Variants in SLC8A1 observed in about 807,000 individuals in gnomAD.
SLC8A1 encodes the protein solute carrier family 8 member A1.
A neutral mutation model predicts 68.3 loss-of-function variants in SLC8A1; 18 were observed. The observed-to-expected ratio is 0.26, with a 90% CI of 0.18 to 0.39. The LOEUF (loss-of-function observed/expected upper bound fraction) is 0.39, where lower values mean the gene tolerates loss of function less well. SLC8A1 is among the 10% of genes least tolerant of loss of function. SLC8A1 has a pLI of 1.00. For missense variants in SLC8A1, 985 were observed against 1,156.7 expected, an observed-to-expected ratio of 0.85 and a Z score of 2.15; for synonymous variants, 475 against 415.5, an observed-to-expected ratio of 1.14 and a Z score of -1.74.
chr2:40,298,651 T>C (rs2070865980), intron 2 of SLC8A1, among the ~76,000 whole-genome samples: 1 of 152,184 alleles, frequency 6.6e-6, no homozygotes. Flanking sequence ...TAGAAGGCTA[T>C]GGTTTTAACA....
At chr2:40,350,052 T>G (rs749519687) in intron 2 of SLC8A1, among the ~76,000 whole-genome samples, 1 of 152,224 alleles carries the variant, frequency 6.6e-6, no homozygotes, top group Non-Finnish European at 1.5e-5. Context: ...AACTCACAGC[T>G]TAGCCACCCT....
intron 7 of SLC8A1, among the ~76,000 whole-genome samples, chr2:40,131,031 G>A (rs1433098759): frequency 1.3e-5 from 2 of 152,234 alleles, no homozygotes; most frequent in Non-Finnish European, 2.9e-5. Context: ...GAAATAGAAA[G>A]TAAGGGAGAT....
At chr2:40,385,600 T>A (rs938440476) in intron 2 of SLC8A1, among the ~76,000 whole-genome samples, 3 of 151,208 alleles carry the variant, frequency 2.0e-5, no homozygotes, top group Non-Finnish European at 2.9e-5. Flanking sequence ...AGGAGCAACA[T>A]AAAACAAAGT....
chr2:40,335,186 A>C (rs1480622946), intron 2 of SLC8A1, among the ~76,000 whole-genome samples: 1 of 152,234 alleles, frequency 6.6e-6, no homozygotes, highest in African/African-American at 2.4e-5. Context: ...TTTTCCTACA[A>C]TTATCATACT....
exon 1 of SLC8A1, chr2:40,452,047 CGGG>C (rs1474432935): frequency 6.6e-6 from 1 of 151,006 alleles, no homozygotes; most frequent in East Asian, 1.9e-4. Flanking sequence ...GCGGCGGCGG[CGGG>C]CTGACTACCG....
intron 3 of SLC8A1, chr2:40,177,653 G>T: frequency 1.4e-6 from 1 of 740,442 alleles, no homozygotes. Context: ...TATAGTACTT[G>T]GAAGCCGAGG....
At chr2:40,281,114 C>A (rs2067453695) in intron 2 of SLC8A1, among the ~76,000 whole-genome samples, 1 of 152,228 alleles carries the variant, frequency 6.6e-6, no homozygotes, top group Non-Finnish European at 1.5e-5. Context: ...TCACAAGAGT[C>A]ACCTGTGAAA....
intron 2 of SLC8A1, among the ~76,000 whole-genome samples, chr2:40,402,131 C>A (rs570226786): frequency 1.4e-4 from 22 of 152,262 alleles, no homozygotes; most frequent in African/African-American, 5.3e-4. Flanking sequence ...GGTAAAGAAG[C>A]TGGTCAAAAC....
At chr2:40,502,803 T>A (rs1706129514) in intron 1 of SLC8A1, among the ~76,000 whole-genome samples, 1 of 152,080 alleles carries the variant, frequency 6.6e-6, no homozygotes, top group African/African-American at 2.4e-5. Flanking sequence ...GTCACATTCC[T>A]GGTTAGAACC....
intron 4 of SLC8A1, among the ~76,000 whole-genome samples, chr2:40,165,222 T>C (rs1003134342): frequency 6.6e-6 from 1 of 152,084 alleles, no homozygotes; most frequent in Admixed American, 6.6e-5. Context: ...AAAAGTTCAG[T>C]TGAGGAAAAG....
chr2:40,426,948 C>T (rs143786051), intron 2 of SLC8A1, among the ~76,000 whole-genome samples: 112 of 152,028 alleles, frequency 7.4e-4, no homozygotes, highest in African/African-American at 2.5e-3. Flanking sequence ...TGCAAGACCA[C>T]TGAAAAAATT....
chr2:40,203,465 A>T (rs2054792580), intron 2 of SLC8A1, among the ~76,000 whole-genome samples: 2 of 152,002 alleles, frequency 1.3e-5, no homozygotes, highest in South Asian at 4.1e-4. Context: ...AATGTTTTAC[A>T]TCCATAAACT....
At position 40,395,192 on chromosome 2, in the gene SLC8A1, C is replaced by G. The variant is rs114927260; in HGVS notation, c.1808+33281G>C. Among the ~76,000 whole-genome samples the G allele has an allele frequency of 3.4e-3, 513 of 152,246 alleles. 2 individuals carry two copies. Among genetic ancestry groups the G allele is most frequent in the African/African-American group, 0.012 (492 of 41,542 alleles). On this transcript the variant is annotated intron_variant, in intron 2 of 7. Coordinates refer to ENST00000406785, the Ensembl canonical transcript of SLC8A1. ...AAGAAACAAAAACCTTTTGAGAAGT[C>G]TAAAAGAAGTAGAGAAATCCTACTG...
intron 1 of SLC8A1, among the ~76,000 whole-genome samples, chr2:40,432,401 T>TTGTGTGTGTGTGTGTGTGTGTGTGTGTG (rs112824729): frequency 2.3e-5 from 3 of 128,736 alleles, no homozygotes; most frequent in Non-Finnish European, 3.2e-5. Flanking sequence ...GAGTGTGAGA[T>TTGTGTGTGTGTGTGTGTGTGTGTGTGTG]TGTGTGTGTG....
intron 1 of SLC8A1, among the ~76,000 whole-genome samples, chr2:40,458,418 A>G (rs1703150954): frequency 6.6e-6 from 1 of 152,072 alleles, no homozygotes; most frequent in African/African-American, 2.4e-5. Context: ...GGTGCATGGG[A>G]CATGAATTAG....
chr2:40,233,842 A>G (rs2060005300), intron 2 of SLC8A1, among the ~76,000 whole-genome samples: 1 of 151,694 alleles, frequency 6.6e-6, no homozygotes, highest in Non-Finnish European at 1.5e-5. Context: ...AGCACCATTT[A>G]TTAAATAGGG....
At chr2:40,479,055 A>G (rs2149910525) in intron 1 of SLC8A1, among the ~76,000 whole-genome samples, 1 of 152,260 alleles carries the variant, frequency 6.6e-6, no homozygotes, top group South Asian at 2.1e-4. Flanking sequence ...TACAGGCGTG[A>G]GCCACCACGC....
chr2:40,467,295 T>C (rs1371581517), intron 1 of SLC8A1, among the ~76,000 whole-genome samples: 1 of 152,102 alleles, frequency 6.6e-6, no homozygotes, highest in Non-Finnish European at 1.5e-5. Context: ...TGAGAGTGTG[T>C]TGGAGCACTG....
chr2:40,507,612 T>G (rs1456205635), intron 1 of SLC8A1, among the ~76,000 whole-genome samples: 1 of 152,058 alleles, frequency 6.6e-6, no homozygotes, highest in Non-Finnish European at 1.5e-5. Flanking sequence ...TGGAGCAGTG[T>G]AGAACAGAGC....
Sources: allele counts gnomAD v4.1 joint callset (sites outside exome capture counted in the v4.1 genomes callset), GRCh38; gene constraint gnomAD v4.1.1; transcripts MANE v1.5; gene names NCBI Gene and HGNC (gene_info 2026-07-23, HGNC 2026-07-21).